The following LONRF2 variants were observed in gnomAD, a reference collection of about 807,000 sequenced individuals.
The protein encoded by LONRF2 is LON peptidase N-terminal domain and ring finger 2, also known as LON peptidase N-terminal domain and RING finger protein 2.
A neutral mutation model predicts 66.6 loss-of-function variants in LONRF2; 35 were observed. The ratio of observed to expected loss-of-function variants is 0.53; its 90% CI spans 0.40 to 0.70. LONRF2 has a LOEUF of 0.70. Ranked by LOEUF, LONRF2 falls within the 30% of genes least tolerant of loss-of-function variation. The pLI, the probability that LONRF2 is intolerant of heterozygous loss-of-function variation, is 0.00. For missense variants in LONRF2, 902 were observed against 1,002.1 expected, an observed-to-expected ratio of 0.90 and a Z score of 1.35; for synonymous variants, 417 against 418.1, an observed-to-expected ratio of 1.00 and a Z score of 0.03.
chr2:100,304,719 G>A (rs1321668066), intron 2 of LONRF2, among the ~76,000 whole-genome samples: 1 of 141,154 alleles, frequency 7.1e-6, no homozygotes, highest in Non-Finnish European at 1.5e-5. Context: ...TGCCTCCCAG[G>A]TTCAAGTGAT....
At chr2:100,300,405 G>A (rs1043700221) in intron 4 of LONRF2, among the ~76,000 whole-genome samples, 3 of 152,038 alleles carry the variant, frequency 2.0e-5, no homozygotes, top group Non-Finnish European at 4.4e-5. Context: ...CAAGTCTCCT[G>A]CCGTTTGGGG....
At chr2:100,289,053 CTT>C (rs1334045418) in intron 10 of LONRF2, among the ~76,000 whole-genome samples, 1 of 152,154 alleles carries the variant, frequency 6.6e-6, no homozygotes, top group Non-Finnish European at 1.5e-5. Flanking sequence ...AAATTCAAGT[CTT>C]TTATATTTAG....
intron 2 of LONRF2, 123 bp from the exon 3 acceptor site, chr2:100,303,166 A>T (rs1675222159): frequency 1.9e-6 from 2 of 1,038,228 alleles, no homozygotes; most frequent in Non-Finnish European, 2.7e-6. Flanking sequence ...CATAGAATAA[A>T]CAAAGCCCAT....
At position 100,277,708 on chromosome 2, in the gene LONRF2, A is replaced by C. The variant is rs1013462996; in HGVS notation, c.*6590T>G. 2.0e-5 allele frequency: 3 copies of C among 152,172 alleles called. No individual in the cohort carries two copies. Among genetic ancestry groups the C allele is most frequent in the Non-Finnish European group, 4.4e-5 (3 of 68,024 alleles). The allele number at this position is 152,172 out of a possible 1,614,324, so 9.4% of individuals were successfully genotyped here. A position where few individuals can be genotyped will look rare whatever the true frequency, so the allele number is the denominator to read the frequency against. On this transcript the variant is annotated 3_prime_UTR_variant, in exon 12 of 12. Coordinates refer to ENST00000393437, the MANE Select transcript of LONRF2 (RefSeq NM_198461.4). ...CGAAACGGAACCCAAAAAACAACGC[A>C]TGTGGCCAAAGTTAGGCAGTCGTCT...
intron 6 of LONRF2, 122 bp from the exon 7 acceptor site, chr2:100,299,072 T>C: frequency 1.1e-6 from 1 of 892,894 alleles, no homozygotes; most frequent in Non-Finnish European, 1.8e-6. Context: ...TGCATGCACT[T>C]TCATTTTATA....
intron 1 of LONRF2, among the ~76,000 whole-genome samples, chr2:100,313,099 C>T (rs1403888014): frequency 6.6e-6 from 1 of 152,220 alleles, no homozygotes; most frequent in East Asian, 1.9e-4. Flanking sequence ...TGTTTTCCAA[C>T]AGCAACCCAG....
rs1351423689 is a variant in LONRF2, at chr2:100,274,410, C to G, written c.*9888G>C. On this transcript the variant is annotated 3_prime_UTR_variant, in exon 12 of 12. Transcript: ENST00000393437. ...AACCTACTCATTTGAGACTACAAAC[C>G]TCTTCTAGAAGCTGTAACCTGAAAT... The G allele has an allele frequency of 6.6e-6, 1 of 152,250 alleles. No homozygotes were observed. Among genetic ancestry groups the G allele is most frequent in the Non-Finnish European group, 1.5e-5 (1 of 68,062 alleles). The allele number at this position is 152,250 out of a possible 1,614,324, so 9.4% of individuals were successfully genotyped here. A position where few individuals can be genotyped will look rare whatever the true frequency, so the allele number is the denominator to read the frequency against.
rs1674558942 is a variant in LONRF2 at position 100,274,563 on chromosome 2, T to C, written c.*9735A>G. 1 of 151,960 alleles carries C rather than the reference T, an allele frequency of 6.6e-6. No homozygotes were observed. Among genetic ancestry groups the C allele is most frequent in the Non-Finnish European group, 1.5e-5 (1 of 68,012 alleles). The allele number at this position is 151,960 out of a possible 1,614,324, so 9.4% of individuals were successfully genotyped here. A position where few individuals can be genotyped will look rare whatever the true frequency, so the allele number is the denominator to read the frequency against. ...CCAATTCTTAGAGATAGCAAAGGGG[T>C]CCCTTGGGAGTGCACCTTTGCACAC... On this transcript the variant is annotated 3_prime_UTR_variant, in exon 12 of 12. Transcript: ENST00000393437.
chr2:100,300,415 G>T (rs1350894693), intron 4 of LONRF2, among the ~76,000 whole-genome samples: 7 of 152,066 alleles, frequency 4.6e-5, no homozygotes, highest in Non-Finnish European at 7.3e-5. Context: ...GCCGTTTGGG[G>T]TGATTTGGTG....
At position 100,273,517 on chromosome 2, in the gene LONRF2, G is replaced by A. The variant is rs1674538706; in HGVS notation, c.*10781C>T. The A allele has an allele frequency of 6.6e-6, 1 of 152,166 alleles. No homozygotes were observed. Among genetic ancestry groups the A allele is most frequent in the Non-Finnish European group, 1.5e-5 (1 of 68,034 alleles). 9.4% of individuals were successfully genotyped at this position (152,166 alleles called of 1,614,324 possible). A position where few individuals can be genotyped will look rare whatever the true frequency, so the allele number is the denominator to read the frequency against. On this transcript the variant is annotated 3_prime_UTR_variant, in exon 12 of 12. Coordinates refer to ENST00000393437, the MANE Select transcript of LONRF2 (RefSeq NM_198461.4). ...ATATACAATACCAATTAATTGAAAT[G>A]AACAGTACAAGAATACATGAAGTAA...
At chr2:100,319,510 C>T (rs971748429) in intron 1 of LONRF2, among the ~76,000 whole-genome samples, 1 of 152,164 alleles carries the variant, frequency 6.6e-6, no homozygotes, top group Non-Finnish European at 1.5e-5. Flanking sequence ...ATCACTATTC[C>T]CTTTTCATCC....
At chr2:100,320,179 C>T (rs1675591288) in intron 1 of LONRF2, among the ~76,000 whole-genome samples, 1 of 152,164 alleles carries the variant, frequency 6.6e-6, no homozygotes, top group South Asian at 2.1e-4. Context: ...ATTTCACCTG[C>T]TTTTTTCACC....
chr2:100,300,691 T>A lies in LONRF2; in HGVS notation c.1018A>T (p.Met340Leu), dbSNP rs1411256940. 6.2e-7 allele frequency: 1 copy of A among 1,613,738 alleles called. No individual in the cohort carries two copies. The highest frequency in any genetic ancestry group is 1.1e-5 in the South Asian group (1 of 90,994). ...TCTTCCAGCAGAGCCTGGGCATTCA[T>A]GTGGCTGTGACCCTGAGCCTTTAAT... ...SRLKAQGHSHMNAQALLEEGD... is the reference protein window; with the variant it reads ...SRLKAQGHSHLNAQALLEEGD... The change falls in exon 4 of 12, where the codon ATG (methionine) becomes TTG (leucine). Residue 340 changes from methionine to leucine, a missense_variant. Met to Leu is a conservative substitution (Grantham distance 15, BLOSUM62 2). Around this residue, in one of 2 missense-constraint regions of LONRF2, gnomAD observed 585 missense variants for 569.9 expected, o/e 1.03. Coordinates refer to ENST00000393437, the MANE Select transcript of LONRF2 (RefSeq NM_198461.4).
intron 9 of LONRF2, among the ~76,000 whole-genome samples, chr2:100,292,261 G>C (rs1378809404): frequency 2.0e-5 from 3 of 152,188 alleles, no homozygotes; most frequent in Admixed American, 2.0e-4. Context: ...CTCCAAGCCT[G>C]CCTTGCTGCA....
At chr2:100,285,710 G>T (rs553190225) in intron 11 of LONRF2, among the ~76,000 whole-genome samples, 1 of 152,122 alleles carries the variant, frequency 6.6e-6, no homozygotes, top group Non-Finnish European at 1.5e-5. Flanking sequence ...GAAGGAAGCC[G>T]AGGAATGCCG....
intron 9 of LONRF2, among the ~76,000 whole-genome samples, chr2:100,293,436 G>A (rs1457153519): frequency 1.3e-5 from 2 of 152,192 alleles, no homozygotes; most frequent in African/African-American, 4.8e-5. Flanking sequence ...TGCAGCAGGT[G>A]TGAACAGGAG....
At chr2:100,288,140 C>T (rs181388027) in intron 10 of LONRF2, among the ~76,000 whole-genome samples, 2 of 152,268 alleles carry the variant, frequency 1.3e-5, no homozygotes, top group Admixed American at 6.5e-5. Context: ...TAAACCCTGC[C>T]GTCAGGTCTA....
intron 1 of LONRF2, among the ~76,000 whole-genome samples, chr2:100,320,271 A>G (rs1026512765): frequency 6.6e-6 from 1 of 152,248 alleles, no homozygotes; most frequent in Non-Finnish European, 1.5e-5. Context: ...CTCTAACACC[A>G]TCAATACCTA....
chr2:100,285,689 C>T lies in LONRF2; in HGVS notation c.2071-1197G>A, dbSNP rs79024897. ...GGTCGGAGAGAAGCAACATTGCTGG[C>T]TCTGATGGAGGAAGGAAGCCGAGGA... is the stretch of plus-strand genomic sequence containing the variant. On this transcript the variant is annotated intron_variant, in intron 11 of 11. Transcript: ENST00000393437. Among the ~76,000 whole-genome samples, 34 of 152,186 alleles carry T rather than the reference C, an allele frequency of 2.2e-4. No individual in the cohort carries two copies. In the East Asian group the frequency reaches 5.6e-3, roughly 25 times the overall value.
Sources: gnomAD v4.1 joint callset for allele counts (sites outside exome capture counted in the v4.1 genomes callset) on GRCh38, gnomAD v4.1.1 for gene constraint, gnomAD v4.1.1 regional missense constraint, MANE v1.5 for transcripts, NCBI Gene and HGNC (gene_info 2026-07-23, HGNC 2026-07-21) for gene names.